Variants in CSMD1 observed in about 807,000 individuals in gnomAD.
CSMD1 encodes the protein CUB and sushi domain-containing protein 1.
A neutral mutation model predicts 417.5 loss-of-function variants in CSMD1; 213 were observed. That is an observed-to-expected ratio of 0.51 (90% CI 0.46 to 0.57). The LOEUF (loss-of-function observed/expected upper bound fraction) is 0.57, where lower values mean the gene tolerates loss of function less well. Ranked by LOEUF, CSMD1 falls within the 20% of genes least tolerant of loss-of-function variation. CSMD1 has a pLI of 0.00. For synonymous variants in CSMD1, 2,862 were observed against 1,736.8 expected, an observed-to-expected ratio of 1.65 and a Z score of -16.11; for missense variants, 6,923 against 4,529.7, an observed-to-expected ratio of 1.53 and a Z score of -15.17.
At chr8:4,632,514 G>C (rs567945416) in intron 2 of CSMD1, among the ~76,000 whole-genome samples, 2 of 151,840 alleles carry the variant, frequency 1.3e-5, no homozygotes, top group Admixed American at 1.3e-4. Context: ...CTCCATCATG[G>C]GGGTAGGGGG....
intron 43 of CSMD1, among the ~76,000 whole-genome samples, chr8:3,109,469 C>T (rs573057083): frequency 6.6e-6 from 1 of 152,134 alleles, no homozygotes; most frequent in Non-Finnish European, 1.5e-5. Flanking sequence ...TGGTCGTTGT[C>T]ATCTTAGATG....
intron 7 of CSMD1, among the ~76,000 whole-genome samples, chr8:3,662,228 G>GT (rs1339879352): frequency 6.6e-6 from 1 of 152,198 alleles, no homozygotes; most frequent in Non-Finnish European, 1.5e-5. Flanking sequence ...GGAAAACACA[G>GT]TATGTTCAAC....
At chr8:4,437,551 C>T (rs1400591976) in intron 2 of CSMD1, among the ~76,000 whole-genome samples, 3 of 152,198 alleles carry the variant, frequency 2.0e-5, no homozygotes, top group Non-Finnish European at 4.4e-5. Flanking sequence ...ATTACAGTTT[C>T]TGCAGATATC....
intron 1 of CSMD1, among the ~76,000 whole-genome samples, chr8:4,979,358 C>A (rs1810745701): frequency 6.6e-6 from 1 of 152,034 alleles, no homozygotes; most frequent in African/African-American, 2.4e-5. Context: ...TTTGTAAAGA[C>A]AAAGAAACCA....
intron 2 of CSMD1, among the ~76,000 whole-genome samples, chr8:4,426,193 G>T (rs1361846171): frequency 1.3e-5 from 2 of 151,820 alleles, no homozygotes; most frequent in Non-Finnish European, 2.9e-5. Flanking sequence ...ACTGGAATCT[G>T]TGAATTAAGA....
At chr8:3,852,589 G>A (rs149512513) in intron 5 of CSMD1, among the ~76,000 whole-genome samples, 4 of 152,162 alleles carry the variant, frequency 2.6e-5, no homozygotes, top group African/African-American at 9.7e-5. Context: ...ACTTACTCGT[G>A]TCAGCTATCT....
intron 3 of CSMD1, among the ~76,000 whole-genome samples, chr8:4,292,954 A>AGCAC (rs1285094255): frequency 2.0e-5 from 3 of 152,218 alleles, no homozygotes; most frequent in Non-Finnish European, 2.9e-5. Context: ...GGACCCACAA[A>AGCAC]GCACTCCAGA....
chr8:3,571,982 T>A (rs1052522906), intron 10 of CSMD1, among the ~76,000 whole-genome samples: 2 of 152,122 alleles, frequency 1.3e-5, no homozygotes, highest in African/African-American at 4.8e-5. Context: ...AAGCGCAGCC[T>A]TCCTAAACGG....
At chr8:3,851,163 T>C (rs1803879559) in intron 5 of CSMD1, among the ~76,000 whole-genome samples, 1 of 152,212 alleles carries the variant, frequency 6.6e-6, no homozygotes, top group African/African-American at 2.4e-5. Context: ...TGTGACAGGA[T>C]ATATTATGAT....
At chr8:3,948,352 A>C (rs909148169) in intron 5 of CSMD1, among the ~76,000 whole-genome samples, 14 of 152,296 alleles carry the variant, frequency 9.2e-5, no homozygotes, top group African/African-American at 3.4e-4. Flanking sequence ...GGCTTTAATA[A>C]ATGACTGAAG....
intron 2 of CSMD1, among the ~76,000 whole-genome samples, chr8:4,443,967 T>G (rs1386401330): frequency 6.6e-6 from 1 of 151,954 alleles, no homozygotes; most frequent in Non-Finnish European, 1.5e-5. Context: ...TAATTACCTG[T>G]GATATGAGGT....
intron 1 of CSMD1, among the ~76,000 whole-genome samples, chr8:4,775,915 G>A (rs1050105856): frequency 3.9e-5 from 6 of 152,138 alleles, no homozygotes; most frequent in South Asian, 2.1e-4. Flanking sequence ...GGAGTGGCAC[G>A]CCGCAGCCAT....
chr8:4,068,938 C>T (rs1365271), intron 3 of CSMD1, among the ~76,000 whole-genome samples: 119,781 of 152,112 alleles, frequency 0.79, 47,874 homozygotes, highest in East Asian at 0.97. Context: ...TGGAGAAATT[C>T]TTAGCAAAAT....
chr8:4,149,034 G>A (rs1393040430), intron 3 of CSMD1, among the ~76,000 whole-genome samples: 3 of 149,250 alleles, frequency 2.0e-5, no homozygotes, highest in Non-Finnish European at 3.0e-5. Flanking sequence ...CACAATCTTT[G>A]CTCACTGCAA....
chr8:3,694,974 T>C (rs1305651144), intron 7 of CSMD1, among the ~76,000 whole-genome samples: 1 of 151,882 alleles, frequency 6.6e-6, no homozygotes, highest in Non-Finnish European at 1.5e-5. Context: ...GAAAATTGTA[T>C]CCTACCTGAG....
chr8:4,564,359 A>G (rs1798491154), intron 2 of CSMD1, among the ~76,000 whole-genome samples: 1 of 152,216 alleles, frequency 6.6e-6, no homozygotes, highest in Non-Finnish European at 1.5e-5. Flanking sequence ...AAGAAAAATA[A>G]CATAGATTGG....
chr8:4,334,254 G>A (rs1280098717), intron 3 of CSMD1, among the ~76,000 whole-genome samples: 1 of 152,044 alleles, frequency 6.6e-6, no homozygotes, highest in African/African-American at 2.4e-5. Flanking sequence ...GTATGATAAG[G>A]TGCTTAAAAG....
At chr8:4,187,672 G>A (rs577982716) in intron 3 of CSMD1, among the ~76,000 whole-genome samples, 323 of 9,566 alleles carry the variant, frequency 0.034, 1 homozygote, top group Admixed American at 0.053. Flanking sequence ...GTGAAACTCC[G>A]TCTCAAAAAA....
chr8:3,073,420 G>C (rs561952986), intron 49 of CSMD1, among the ~76,000 whole-genome samples: 1 of 152,228 alleles, frequency 6.6e-6, no homozygotes, highest in Non-Finnish European at 1.5e-5. Context: ...CCATCTGAGA[G>C]GGTGACATCT....
Sources: allele counts gnomAD v4.1 joint callset (sites outside exome capture counted in the v4.1 genomes callset), GRCh38; gene constraint gnomAD v4.1.1; transcripts MANE v1.5; gene names NCBI Gene and HGNC (gene_info 2026-07-23, HGNC 2026-07-21).